ARHGAP18: variants seen among roughly 807,000 people sequenced by gnomAD.
ARHGAP18 encodes rho GTPase-activating protein 18.
In ARHGAP18, 67 loss-of-function variants were observed where a neutral mutation model predicts 86.2. The ratio of observed to expected loss-of-function variants is 0.78; its 90% CI spans 0.64 to 0.95. ARHGAP18 has a LOEUF of 0.95. ARHGAP18 is among the 40% of genes least tolerant of loss of function. ARHGAP18 has a pLI of 0.00. For missense variants in ARHGAP18, 691 were observed against 780.4 expected (o/e 0.89, Z 1.37); for synonymous variants, 283 against 280.4 (o/e 1.01, Z -0.09).
At chr6:129,586,863 C>T (rs1301731110) in intron 12 of ARHGAP18, among the ~76,000 whole-genome samples, 2 of 152,130 alleles carry the variant, frequency 1.3e-5, no homozygotes, top group Non-Finnish European at 2.9e-5. Flanking sequence ...TCTACTCCCC[C>T]TCCCAAATAT....
At chr6:129,685,052 G>A (rs1032750187) in intron 1 of ARHGAP18, among the ~76,000 whole-genome samples, 2 of 152,102 alleles carry the variant, frequency 1.3e-5, no homozygotes, top group African/African-American at 2.4e-5. Context: ...TGGACACAGC[G>A]TAGTAATTAA....
intron 4 of ARHGAP18, among the ~76,000 whole-genome samples, 166 bp downstream of exon 4, chr6:129,633,876 G>A (rs542022542): frequency 6.6e-6 from 1 of 152,162 alleles, no homozygotes; most frequent in African/African-American, 2.4e-5. Flanking sequence ...GAAAATTGAA[G>A]GCCAGCTATA....
intron 7 of ARHGAP18, among the ~76,000 whole-genome samples, chr6:129,612,330 A>G (rs1788996868): frequency 6.6e-6 from 1 of 152,240 alleles, no homozygotes; most frequent in Admixed American, 6.5e-5. Flanking sequence ...TGAGCAGTAC[A>G]CAAAGGCCGT....
chr6:129,609,738 T>TA (rs1376118578), intron 8 of ARHGAP18, among the ~76,000 whole-genome samples: 2 of 152,102 alleles, frequency 1.3e-5, no homozygotes, highest in Non-Finnish European at 2.9e-5. Flanking sequence ...CAGGGAGCTC[T>TA]AAGTACCAGA....
chr6:129,608,149 ACT>A (rs1313632927), intron 8 of ARHGAP18, 97 bp from the exon 9 acceptor site: 8 of 1,377,698 alleles, frequency 5.8e-6, no homozygotes, highest in Admixed American at 3.0e-5. Flanking sequence ...CTTTCAAGAG[ACT>A]CTGCTCTTTA....
chr6:129,686,583 C>T (rs1774427874), intron 1 of ARHGAP18, among the ~76,000 whole-genome samples: 1 of 152,192 alleles, frequency 6.6e-6, no homozygotes, highest in South Asian at 2.1e-4. Flanking sequence ...AGTCTCTTCC[C>T]TAGGATACTG....
chr6:129,709,438 T>A (rs1050221335), intron 1 of ARHGAP18, among the ~76,000 whole-genome samples: 3 of 152,160 alleles, frequency 2.0e-5, no homozygotes, highest in Non-Finnish European at 4.4e-5. Context: ...GAGTGCTATC[T>A]CCTGACAAAA....
In ARHGAP18 at chr6:129,576,640, C is replaced by T. The variant is rs904694177; in HGVS notation, c.*1873G>A. The T allele has an allele frequency of 6.6e-6, 1 of 152,058 alleles. No individual in the cohort carries two copies. The highest frequency in any genetic ancestry group is 1.5e-5 in the Non-Finnish European group (1 of 68,000). 9.4% of individuals were successfully genotyped at this position (152,058 alleles called of 1,614,324 possible). On this transcript the variant is annotated 3_prime_UTR_variant, in exon 15 of 15. Coordinates refer to ENST00000368149, the MANE Select transcript of ARHGAP18 (RefSeq NM_033515.3). ...AAATATGTTGTGTCTCCCTCCTGAC[C>T]CTCCTTTTCAGGTAGGTAGCAAACG...
chr6:129,599,687 C>T (rs879578506), intron 11 of ARHGAP18, among the ~76,000 whole-genome samples: 3 of 152,058 alleles, frequency 2.0e-5, no homozygotes, highest in Admixed American at 6.6e-5. Flanking sequence ...AAGCCACCTC[C>T]GTAGGTCTTT....
intron 10 of ARHGAP18, 116 bp from the exon 11 acceptor site, chr6:129,600,964 C>G (rs1584035333): frequency 1.2e-6 from 1 of 805,720 alleles, no homozygotes. Context: ...TAAGCACAGT[C>G]AACTAATCAC....
intron 2 of ARHGAP18, among the ~76,000 whole-genome samples, chr6:129,639,699 G>A (rs1348847025): frequency 1.3e-5 from 2 of 152,178 alleles, no homozygotes; most frequent in African/African-American, 4.8e-5. Flanking sequence ...ACATAAGCCA[G>A]TGCTAGGCAC....
At chr6:129,632,868 A>C (rs747077430) in intron 4 of ARHGAP18, among the ~76,000 whole-genome samples, 8 of 152,066 alleles carry the variant, frequency 5.3e-5, no homozygotes, top group Admixed American at 5.2e-4. Flanking sequence ...GAATGTTGGG[A>C]ACACTCCTCA....
rs1351428855 is a variant in ARHGAP18 at position 129,677,256 on chromosome 6, G to A, written c.113+32768C>T. 3.3e-5 allele frequency among the ~76,000 whole-genome samples: 5 copies of A among 152,068 alleles called. No homozygotes were observed. The East Asian group carries it at 9.6e-4, about 29-fold the overall frequency. The stretch of plus-strand genomic sequence containing the variant: ...AAATTACAAAAAATTAGCCAGGTGC[G>A]GTGGCGGACGCCTGTAGTCTCAGCT... On this transcript the variant is annotated intron_variant, in intron 1 of 14. Transcript: ENST00000368149.
chr6:129,619,007 T>C (rs1386173136), intron 5 of ARHGAP18, among the ~76,000 whole-genome samples, 155 bp from the exon 6 acceptor site: 2 of 151,570 alleles, frequency 1.3e-5, no homozygotes, highest in African/African-American at 4.9e-5. Context: ...AGTGATCCTG[T>C]CATGATGACG....
chr6:129,653,600 T>C (rs1370271159), intron 1 of ARHGAP18, among the ~76,000 whole-genome samples: 1 of 152,206 alleles, frequency 6.6e-6, no homozygotes, highest in East Asian at 1.9e-4. Flanking sequence ...CAGCAGTCAG[T>C]AACAAAGTAG....
At chr6:129,589,737 A>G (rs1401835360) in intron 12 of ARHGAP18, among the ~76,000 whole-genome samples, 1 of 152,216 alleles carries the variant, frequency 6.6e-6, no homozygotes, top group Non-Finnish European at 1.5e-5. Flanking sequence ...TGAAAAGGAC[A>G]GAACTCATAG....
intron 1 of ARHGAP18, among the ~76,000 whole-genome samples, chr6:129,667,471 G>GTA (rs1774062372): frequency 1.1e-5 from 1 of 87,614 alleles, no homozygotes; most frequent in Non-Finnish European, 2.3e-5. Context: ...AAATATATAT[G>GTA]TGTGTGTGTG....
chr6:129,576,902 T>C lies in ARHGAP18; in HGVS notation c.*1611A>G, dbSNP rs1359358077. On this transcript the variant is annotated 3_prime_UTR_variant, in exon 15 of 15. Transcript: ENST00000368149. ...TTTTGAAAATCCTGAAGAATAAAAA[T>C]TTGTAAAAGGAAAAAAACTAAAGAC... The C allele has an allele frequency of 6.6e-6, 1 of 152,030 alleles. No individual in the cohort carries two copies. Among genetic ancestry groups the C allele is most frequent in the Admixed American group, 6.6e-5 (1 of 15,262 alleles). 9.4% of individuals were successfully genotyped at this position (152,030 alleles called of 1,614,324 possible).
intron 1 of ARHGAP18, among the ~76,000 whole-genome samples, chr6:129,658,411 C>T (rs1041688791): frequency 2.4e-5 from 3 of 123,224 alleles, no homozygotes; most frequent in Non-Finnish European, 5.2e-5. Context: ...TTGCCTTAGG[C>T]ACCTCAAATG....
Sources: gnomAD v4.1 joint callset for allele counts (sites outside exome capture counted in the v4.1 genomes callset) on GRCh38, gnomAD v4.1.1 for gene constraint, MANE v1.5 for transcripts, NCBI Gene and HGNC (gene_info 2026-07-23, HGNC 2026-07-21) for gene names.